The following KSR2 variants were observed in gnomAD, a reference collection of about 807,000 sequenced individuals.
KSR2 encodes kinase suppressor of ras 2.
In KSR2, 25 loss-of-function variants were observed where a neutral mutation model predicts 107.8. That is an observed-to-expected ratio of 0.23 (90% CI 0.17 to 0.32). The LOEUF is 0.32. Among genes scored for constraint, KSR2 ranks in the 10% least tolerant of loss-of-function variants. KSR2 has a pLI of 1.00. For synonymous variants in KSR2, 480 were observed against 507.0 expected (o/e 0.95, Z 0.71); for missense variants, 887 against 1,268.9 (o/e 0.70, Z 4.57).
Position 117,792,951 on chromosome 12 carries a change from C to A in KSR2, c.473-31427G>T, listed in dbSNP as rs538197152. Among the ~76,000 whole-genome samples, 558 of 142,968 alleles carry A rather than the reference C, an allele frequency of 3.9e-3. 7 individuals are homozygous for A. The highest frequency in any genetic ancestry group is 0.014 in the African/African-American group (528 of 38,570). The allele number at this position is 142,968 out of a possible 152,430, so 93.8% of individuals were successfully genotyped here. A position where few individuals can be genotyped will look rare whatever the true frequency, so the allele number is the denominator to read the frequency against. On this transcript the variant is annotated intron_variant, in intron 3 of 19. Coordinates refer to ENST00000339824, the MANE Select transcript of KSR2 (RefSeq NM_173598.6). ...ACACCAACATGCACACACGCTCACA[C>A]CAACGTGCACACACAACATGCACAC... is the stretch of plus-strand genomic sequence containing the variant.
At chr12:117,968,029 CT>C (rs34834989) in intron 1 of KSR2, 46 bp downstream of exon 1, 7,106 of 669,670 alleles carry the variant, frequency 0.011, 37 homozygotes, top group African/African-American at 0.043. Context: ...AGAAGGATTG[CT>C]TTTTTTTTTT....
At chr12:117,553,786 G>A (rs955275679) in intron 9 of KSR2, among the ~76,000 whole-genome samples, 2 of 151,746 alleles carry the variant, frequency 1.3e-5, no homozygotes, top group African/African-American at 4.8e-5. Context: ...GCTAGAGCTG[G>A]TTGTTTAAAA....
At chr12:117,947,405 A>G (rs1896233966) in intron 1 of KSR2, among the ~76,000 whole-genome samples, 1 of 152,096 alleles carries the variant, frequency 6.6e-6, no homozygotes, top group Non-Finnish European at 1.5e-5. Flanking sequence ...CCAAATAAAC[A>G]AACAAAAAAC....
chr12:117,952,064 C>T (rs1477681520), intron 1 of KSR2, among the ~76,000 whole-genome samples: 1 of 151,868 alleles, frequency 6.6e-6, no homozygotes, highest in Non-Finnish European at 1.5e-5. Flanking sequence ...TGAATAAATT[C>T]TGGGGATATA....
At chr12:117,728,205 C>T (rs1238712613) in intron 4 of KSR2, among the ~76,000 whole-genome samples, 2 of 152,072 alleles carry the variant, frequency 1.3e-5, no homozygotes, top group Non-Finnish European at 2.9e-5. Flanking sequence ...ATAATTTATA[C>T]CTCAGCTTTT....
intron 1 of KSR2, among the ~76,000 whole-genome samples, chr12:117,903,960 C>G (rs1894765146): frequency 6.6e-6 from 1 of 152,112 alleles, no homozygotes; most frequent in African/African-American, 2.4e-5. Context: ...GATCATGCCA[C>G]TGTACTCCAG....
chr12:117,717,960 C>T (rs980267470), intron 4 of KSR2, among the ~76,000 whole-genome samples: 2 of 152,084 alleles, frequency 1.3e-5, no homozygotes, highest in African/African-American at 4.8e-5. Flanking sequence ...AGCAAAGCTA[C>T]CAAGGAGCAG....
chr12:117,882,627 A>G (rs900860069), intron 1 of KSR2, among the ~76,000 whole-genome samples: 1 of 151,460 alleles, frequency 6.6e-6, no homozygotes, highest in Non-Finnish European at 1.5e-5. Context: ...CTATCCATCC[A>G]TCCATCCATC....
chr12:117,539,696 T>C (rs1364676303), intron 10 of KSR2, 23 bp downstream of exon 10: 2 of 1,586,318 alleles, frequency 1.3e-6, no homozygotes, highest in African/African-American at 1.4e-5. Flanking sequence ...GCACCCCTCA[T>C]GTCTCCCCAA....
intron 9 of KSR2, 51 bp downstream of exon 9, chr12:117,555,118 C>G: frequency 6.2e-7 from 1 of 1,611,862 alleles, no homozygotes; most frequent in South Asian, 1.1e-5. Context: ...CTACCCCTCA[C>G]CCAGCAGTGC....
chr12:117,595,271 T>TATTCTCCTG (rs1880564683), intron 5 of KSR2, among the ~76,000 whole-genome samples: 1 of 152,102 alleles, frequency 6.6e-6, no homozygotes, highest in Admixed American at 6.5e-5. Context: ...TTATTTTACA[T>TATTCTCCTG]ATTCTCCTGG....
intron 5 of KSR2, among the ~76,000 whole-genome samples, chr12:117,626,228 A>T (rs1031864404): frequency 1.3e-5 from 2 of 150,628 alleles, no homozygotes; most frequent in Non-Finnish European, 3.0e-5. Context: ...GATCTTAGTT[A>T]TTTCTTGTCT....
At chr12:117,794,629 C>T (rs1477649367) in intron 3 of KSR2, among the ~76,000 whole-genome samples, 2 of 149,312 alleles carry the variant, frequency 1.3e-5, no homozygotes, top group African/African-American at 4.9e-5. Context: ...ACCATACACA[C>T]ACACACCAAT....
At chr12:117,703,919 G>A (rs999926422) in intron 4 of KSR2, among the ~76,000 whole-genome samples, 1 of 152,124 alleles carries the variant, frequency 6.6e-6, no homozygotes, top group Non-Finnish European at 1.5e-5. Context: ...CAAAGAAACT[G>A]GGGAGAAAAA....
chr12:117,860,330 G>T lies in KSR2; in HGVS notation c.282C>A (p.His94Gln). The change falls in exon 2 of 20, where the codon CAC becomes CAA. Residue 94 changes from histidine to glutamine, a missense_variant. Around this residue, in one of 8 missense-constraint regions of KSR2, gnomAD observed 399 missense variants for 479.5 expected, o/e 0.83. Coordinates refer to ENST00000339824, the MANE Select transcript of KSR2 (RefSeq NM_173598.6). ...TGCGCACATCGACGATTCGGAACCA[G>T]TGCCGTAGCTGGGGGAAGCCGTCCA... ...AELDGFPQLRHWFRIVDVRKE... is the reference protein window; with the variant it reads ...AELDGFPQLRQWFRIVDVRKE... The T allele has an allele frequency of 1.2e-6, 2 of 1,613,836 alleles. No homozygotes were observed. Among genetic ancestry groups the T allele is most frequent in the Non-Finnish European group, 1.7e-6 (2 of 1,179,782 alleles).
At chr12:117,473,349 C>T (rs1433256013) in intron 17 of KSR2, among the ~76,000 whole-genome samples, 2 of 152,238 alleles carry the variant, frequency 1.3e-5, no homozygotes, top group East Asian at 1.9e-4. Flanking sequence ...TAATATTATC[C>T]GCCTTTCATA....
chr12:117,762,974 T>C (rs550012379), intron 3 of KSR2, among the ~76,000 whole-genome samples: 7 of 152,240 alleles, frequency 4.6e-5, no homozygotes, highest in Admixed American at 1.3e-4. Flanking sequence ...TGTGCCATGT[T>C]GGTGTGCTGC....
intron 5 of KSR2, among the ~76,000 whole-genome samples, chr12:117,645,840 T>C (rs10850880): frequency 0.47 from 70,836 of 151,078 alleles, 18,864 homozygotes; most frequent in Non-Finnish European, 0.6. Context: ...AAAACAATTA[T>C]GTCTTCTGGA....
chr12:117,950,906 CTTATTTAT>C (rs531470526), intron 1 of KSR2, among the ~76,000 whole-genome samples: 1 of 151,322 alleles, frequency 6.6e-6, no homozygotes, highest in Non-Finnish European at 1.5e-5. Flanking sequence ...AGCGGTTCTT[CTTATTTAT>C]TTATTTATTT....
Sources: allele counts gnomAD v4.1 joint callset (sites outside exome capture counted in the v4.1 genomes callset), GRCh38; gene constraint gnomAD v4.1.1; regional missense constraint gnomAD v4.1.1; transcripts MANE v1.5; gene names NCBI Gene and HGNC (gene_info 2026-07-23, HGNC 2026-07-21).